The following TRDN variants were observed in gnomAD, a reference collection of about 807,000 sequenced individuals.
TRDN encodes triadin.
TRDN carries 161 observed loss-of-function variants against 149.7 expected under a neutral mutation model. That is an observed-to-expected ratio of 1.08 (90% CI 0.95 to 1.23). The LOEUF is 1.23. Ranked by LOEUF, TRDN falls within the 50% of genes most tolerant of loss-of-function variation. TRDN has a pLI of 0.00. For synonymous variants in TRDN, 294 were observed against 250.5 expected (o/e 1.17, Z -1.64); for missense variants, 896 against 823.5 (o/e 1.09, Z -1.08).
intron 1 of TRDN, among the ~76,000 whole-genome samples, chr6:123,634,645 G>A (rs1177086927): frequency 6.6e-6 from 1 of 151,864 alleles, no homozygotes; most frequent in East Asian, 1.9e-4. Flanking sequence ...GTAACAAAGT[G>A]TGAAAAAACT....
chr6:123,408,328 T>C (rs2114505093), intron 12 of TRDN, among the ~76,000 whole-genome samples: 1 of 152,268 alleles, frequency 6.6e-6, no homozygotes, highest in South Asian at 2.1e-4. Flanking sequence ...TATTTTATAT[T>C]TTCTAATATA....
At chr6:123,530,001 A>G (rs1780156821) in intron 5 of TRDN, among the ~76,000 whole-genome samples, 1 of 152,036 alleles carries the variant, frequency 6.6e-6, no homozygotes. Flanking sequence ...AGTGATATTA[A>G]TCATCATGCT....
At chr6:123,573,716 T>C (rs1036124834) in intron 1 of TRDN, among the ~76,000 whole-genome samples, 1 of 152,034 alleles carries the variant, frequency 6.6e-6, no homozygotes, top group Admixed American at 6.6e-5. Flanking sequence ...TTTATCCCAT[T>C]AGCAAAATTA....
intron 31 of TRDN, among the ~76,000 whole-genome samples, chr6:123,268,913 A>G (rs907388279): frequency 1.3e-5 from 2 of 152,030 alleles, no homozygotes; most frequent in African/African-American, 4.8e-5. Context: ...CAATTCACAG[A>G]TTCTAGGATG....
rs371171025 is a variant in TRDN, at chr6:123,256,224, C to T, written c.1871-322G>A. Among the ~76,000 whole-genome samples the T allele has an allele frequency of 4.6e-5, 7 of 152,134 alleles. No homozygotes were observed. In the South Asian group the frequency reaches 6.2e-4, roughly 14 times the overall value. ...CTGTTCCGGTGTTAGTTTGCTGAGACGATGGTTTCCGGCTTCATCCATGTC... is the reference window on the plus strand; with the variant it reads ...CTGTTCCGGTGTTAGTTTGCTGAGATGATGGTTTCCGGCTTCATCCATGTC... On this transcript the variant is annotated intron_variant, in intron 35 of 40. Transcript: ENST00000334268.
intron 12 of TRDN, among the ~76,000 whole-genome samples, chr6:123,403,854 T>C (rs1464824386): frequency 1.3e-5 from 2 of 151,970 alleles, no homozygotes; most frequent in African/African-American, 4.8e-5. Flanking sequence ...ATTGAAAAAA[T>C]GTAAGTAATA....
intron 9 of TRDN, among the ~76,000 whole-genome samples, chr6:123,496,103 A>G (rs6922404): frequency 0.83 from 121,482 of 146,256 alleles, 50,634 homozygotes; most frequent in East Asian, 0.88. Flanking sequence ...TATAATATAT[A>G]TAATTATTAT....
chr6:123,451,657 C>T lies in TRDN; in HGVS notation c.932-12654G>A, dbSNP rs118049251. On this transcript the variant is annotated intron_variant, in intron 10 of 40. Transcript: ENST00000334268. Reference sequence around the variant, plus strand: ...CAGGACCAGTTGGATTCACAGAATTCTACCAGACATTCCAAGAAGAATTGG... The same window carrying T: ...CAGGACCAGTTGGATTCACAGAATTTTACCAGACATTCCAAGAAGAATTGG... Among the ~76,000 whole-genome samples, 1,174 of 152,110 alleles carry T rather than the reference C, an allele frequency of 7.7e-3. 10 individuals are homozygous for T. Among genetic ancestry groups the T allele is most frequent in the Non-Finnish European group, 0.01 (707 of 67,946 alleles).
chr6:123,626,538 C>G (rs1785679854), intron 1 of TRDN, among the ~76,000 whole-genome samples: 1 of 152,124 alleles, frequency 6.6e-6, no homozygotes, highest in South Asian at 2.1e-4. Flanking sequence ...ATTACAGCAT[C>G]TTCAGCTTCC....
chr6:123,490,346 C>T (rs1778160753), intron 9 of TRDN, among the ~76,000 whole-genome samples: 1 of 152,118 alleles, frequency 6.6e-6, no homozygotes, highest in African/African-American at 2.4e-5. Flanking sequence ...AGACAGGTAG[C>T]TTAGAGAGCG....
chr6:123,387,348 C>T (rs974544528), intron 14 of TRDN, among the ~76,000 whole-genome samples: 2 of 151,864 alleles, frequency 1.3e-5, no homozygotes, highest in Non-Finnish European at 2.9e-5. Flanking sequence ...AATAATAAAC[C>T]TATTAAATGT....
At chr6:123,527,791 A>G (rs1481571892) in intron 5 of TRDN, among the ~76,000 whole-genome samples, 1 of 151,820 alleles carries the variant, frequency 6.6e-6, no homozygotes, top group Non-Finnish European at 1.5e-5. Context: ...ATAAAATAAA[A>G]TAAATTTCTA....
At chr6:123,352,994 T>C (rs1361279271) in intron 20 of TRDN, among the ~76,000 whole-genome samples, 1 of 151,788 alleles carries the variant, frequency 6.6e-6, no homozygotes, top group Non-Finnish European at 1.5e-5. Flanking sequence ...GCTGAAACAA[T>C]AGTGTAGTCA....
intron 38 of TRDN, among the ~76,000 whole-genome samples, chr6:123,238,125 T>G (rs1306093719): frequency 1.3e-5 from 2 of 152,138 alleles, no homozygotes; most frequent in Admixed American, 6.5e-5. Context: ...CTAACAGAAC[T>G]CTACCCAAGG....
chr6:123,224,028 AGACAGAC>A, intron 39 of TRDN, 58 bp downstream of exon 39: 1 of 1,420,444 alleles, frequency 7.0e-7, no homozygotes, highest in East Asian at 2.3e-5. Context: ...AAAAAAAAAA[AGACAGAC>A]AAAAACCTTA....
At chr6:123,312,786 A>G (rs1305009204) in intron 24 of TRDN, among the ~76,000 whole-genome samples, 1 of 152,004 alleles carries the variant, frequency 6.6e-6, no homozygotes, top group East Asian at 1.9e-4. Flanking sequence ...ACCCTTCACT[A>G]ATATCATTTC....
chr6:123,446,329 G>A (rs1235908279), intron 10 of TRDN, among the ~76,000 whole-genome samples: 22 of 151,806 alleles, frequency 1.4e-4, no homozygotes, highest in Non-Finnish European at 5.9e-5. Flanking sequence ...TGGCACATGT[G>A]TACATATGTA....
intron 24 of TRDN, among the ~76,000 whole-genome samples, chr6:123,286,532 G>T (rs1161739312): frequency 1.3e-5 from 2 of 152,008 alleles, no homozygotes; most frequent in African/African-American, 4.8e-5. Context: ...GTTTGAAAGG[G>T]AGGGAGTGGG....
chr6:123,265,550 G>A (rs1027270001), intron 32 of TRDN, among the ~76,000 whole-genome samples: 5 of 151,102 alleles, frequency 3.3e-5, no homozygotes, highest in Non-Finnish European at 5.9e-5. Context: ...TGAAAGTATG[G>A]AATCTTTTTT....
Sources: gnomAD v4.1 joint callset for allele counts (sites outside exome capture counted in the v4.1 genomes callset) on GRCh38, gnomAD v4.1.1 for gene constraint, MANE v1.5 for transcripts, NCBI Gene and HGNC (gene_info 2026-07-23, HGNC 2026-07-21) for gene names.